Variants in RASSF3 observed in about 807,000 individuals in gnomAD.
The protein encoded by RASSF3 is Ras association domain family member 3.
In RASSF3, 19 loss-of-function variants were observed where a neutral mutation model predicts 19.9. The ratio of observed to expected loss-of-function variants is 0.96; its 90% CI spans 0.67 to 1.40. RASSF3 has a LOEUF of 1.40. Among genes scored for constraint, RASSF3 ranks in the 40% most tolerant of loss-of-function variants. The probability of loss-of-function intolerance (pLI) is 0.00; values close to 1 mark genes in which losing one functional copy is unlikely to be tolerated. For synonymous variants in RASSF3, 110 were observed against 104.2 expected (o/e 1.06, Z -0.34); for missense variants, 306 against 289.8 (o/e 1.06, Z -0.41).
intron 2 of RASSF3, among the ~76,000 whole-genome samples, chr12:64,595,216 T>C (rs1441651684): frequency 6.6e-6 from 1 of 151,826 alleles, no homozygotes; most frequent in Non-Finnish European, 1.5e-5. Flanking sequence ...TATAGTTGTG[T>C]GCCACCACGC....
chr12:64,542,991 GGGCTT>G (rs1312208890), downstream of RASSF3, among the ~76,000 whole-genome samples: 2 of 151,102 alleles, frequency 1.3e-5, no homozygotes, highest in African/African-American at 2.5e-5. Context: ...GGGTGGGCGT[GGGCTT>G]GGCGGGGCCC....
intron 1 of RASSF3, among the ~76,000 whole-genome samples, chr12:64,652,389 A>G (rs1871990429): frequency 6.6e-6 from 1 of 151,600 alleles, no homozygotes; most frequent in South Asian, 2.1e-4. Flanking sequence ...GAGGACTGCA[A>G]AGGTGTTTTT....
chr12:64,669,644 T>C (rs938482024), intron 1 of RASSF3, among the ~76,000 whole-genome samples: 2 of 151,942 alleles, frequency 1.3e-5, no homozygotes, highest in Admixed American at 6.6e-5. Flanking sequence ...CCAGCCTTGG[T>C]AGCTGGGCTG....
At chr12:64,658,430 C>T (rs966610574) in intron 1 of RASSF3, among the ~76,000 whole-genome samples, 17 of 152,166 alleles carry the variant, frequency 1.1e-4, no homozygotes, top group Admixed American at 2.6e-4. Context: ...GGAGGAGACT[C>T]AAATACAAAC....
At chr12:64,569,497 C>A (rs1381584232) in intron 2 of RASSF3, among the ~76,000 whole-genome samples, 2 of 152,240 alleles carry the variant, frequency 1.3e-5, no homozygotes, top group Non-Finnish European at 2.9e-5. Flanking sequence ...CCATGAGTTA[C>A]AACCAGTTCC....
intron 1 of RASSF3, among the ~76,000 whole-genome samples, chr12:64,682,978 T>A (rs1873195156): frequency 6.6e-6 from 1 of 152,264 alleles, no homozygotes; most frequent in African/African-American, 2.4e-5. Context: ...GGGAGCACCC[T>A]AGAAGACCTG....
exon 2 of RASSF3, chr12:64,541,649 G>C: frequency 5.0e-6 from 2 of 398,570 alleles, no homozygotes; most frequent in Non-Finnish European, 8.8e-6. Flanking sequence ...AAATGGGAAC[G>C]TATCAAGCTG....
chr12:64,520,553 C>CATATATAT (rs1287781762), intron 1 of RASSF3, among the ~76,000 whole-genome samples: 2 of 30,470 alleles, frequency 6.6e-5, no homozygotes, highest in African/African-American at 2.1e-4. Flanking sequence ...CACACATACA[C>CATATATAT]ACATATATAT....
intron 1 of RASSF3, among the ~76,000 whole-genome samples, chr12:64,671,402 C>T (rs1416036263): frequency 4.6e-5 from 7 of 152,134 alleles, no homozygotes; most frequent in African/African-American, 7.2e-5. Context: ...TTGTGATCTT[C>T]TATGCATGTT....
At chr12:64,580,013 C>T (rs887604934) in intron 2 of RASSF3, among the ~76,000 whole-genome samples, 3 of 151,914 alleles carry the variant, frequency 2.0e-5, no homozygotes, top group Non-Finnish European at 4.4e-5. Flanking sequence ...TGGGGTTTCA[C>T]CACGTTGGCC....
At chr12:64,617,896 T>C (rs897411623) in intron 1 of RASSF3, among the ~76,000 whole-genome samples, 2 of 152,152 alleles carry the variant, frequency 1.3e-5, no homozygotes, top group African/African-American at 4.8e-5. Flanking sequence ...CGTGGAAGTG[T>C]ATCACTTCCT....
chr12:64,570,739 C>T (rs1192624954), intron 2 of RASSF3, among the ~76,000 whole-genome samples: 1 of 152,140 alleles, frequency 6.6e-6, no homozygotes, highest in Non-Finnish European at 1.5e-5. Context: ...AGAATCGAAG[C>T]TGCTTTTGGA....
intron 1 of RASSF3, among the ~76,000 whole-genome samples, chr12:64,630,713 A>G (rs1565855276): frequency 6.6e-6 from 1 of 152,140 alleles, no homozygotes; most frequent in Non-Finnish European, 1.5e-5. Flanking sequence ...GGTTGGAGAT[A>G]CTGGTTAATT....
intron 4 of RASSF3, among the ~76,000 whole-genome samples, chr12:64,693,715 G>A (rs1042311048): frequency 4.6e-5 from 7 of 152,192 alleles, no homozygotes; most frequent in Admixed American, 4.6e-4. Context: ...TTATAGGCAT[G>A]AGCCACAATG....
At chr12:64,509,643 T>C (rs936558602) in intron 1 of RASSF3, among the ~76,000 whole-genome samples, 1 of 152,190 alleles carries the variant, frequency 6.6e-6, no homozygotes, top group African/African-American at 2.4e-5. Flanking sequence ...CTGAATATTT[T>C]ACTTATAGCC....
intron 2 of RASSF3, among the ~76,000 whole-genome samples, chr12:64,581,160 G>A (rs550344233): frequency 1.6e-4 from 24 of 151,520 alleles, no homozygotes; most frequent in Non-Finnish European, 3.2e-4. Context: ...TTTAAGCTAA[G>A]CACTCATCCA....
intron 2 of RASSF3, among the ~76,000 whole-genome samples, chr12:64,557,241 T>TCCTGG (rs1219147114): frequency 1.3e-5 from 2 of 152,138 alleles, no homozygotes; most frequent in Non-Finnish European, 1.5e-5. Flanking sequence ...GAGCCTGAGT[T>TCCTGG]CCTGGCAATC....
chr12:64,660,560 C>T (rs1872320228), intron 1 of RASSF3, among the ~76,000 whole-genome samples: 1 of 152,152 alleles, frequency 6.6e-6, no homozygotes, highest in Non-Finnish European at 1.5e-5. Flanking sequence ...ATTCTAATTT[C>T]TTGGCCTTTA....
intron 1 of RASSF3, chr12:64,622,364 C>A: frequency 2.3e-6 from 1 of 437,020 alleles, no homozygotes; most frequent in South Asian, 1.7e-5. Flanking sequence ...CTGGCCAGTC[C>A]TAACTTATTT....
Sources: allele counts gnomAD v4.1 joint callset (sites outside exome capture counted in the v4.1 genomes callset), GRCh38; gene constraint gnomAD v4.1.1; transcripts MANE v1.5; gene names NCBI Gene and HGNC (gene_info 2026-07-23, HGNC 2026-07-21).